Variants in KRIT1 observed in about 807,000 individuals in gnomAD.
KRIT1 encodes krev interaction trapped protein 1.
In KRIT1, 45 loss-of-function variants were observed where a neutral mutation model predicts 95.8. The observed-to-expected ratio is 0.47, with a 90% CI of 0.37 to 0.60. The LOEUF (loss-of-function observed/expected upper bound fraction) is 0.60. KRIT1 is among the 20% of genes least tolerant of loss of function. KRIT1 has a pLI of 0.00. For synonymous variants in KRIT1, 282 were observed against 278.8 expected, an observed-to-expected ratio of 1.01 and a Z score of -0.11; for missense variants, 788 against 877.5, an observed-to-expected ratio of 0.90 and a Z score of 1.29.
intron 10 of KRIT1, among the ~76,000 whole-genome samples, chr7:92,234,223 G>A (rs1797922708): frequency 6.6e-6 from 1 of 152,176 alleles, no homozygotes; most frequent in Non-Finnish European, 1.5e-5. Flanking sequence ...CCTACTATAT[G>A]ACCTGGCAAT....
intron 5 of KRIT1, 148 bp from the exon 6 acceptor site, chr7:92,237,907 A>C: frequency 1.7e-6 from 1 of 601,312 alleles, no homozygotes; most frequent in Non-Finnish European, 3.0e-6. Flanking sequence ...TGTACTAATA[A>C]AAACTGATAA....
chr7:92,238,611 C>T (rs945681788), intron 5 of KRIT1, among the ~76,000 whole-genome samples: 5 of 152,174 alleles, frequency 3.3e-5, no homozygotes, highest in African/African-American at 9.7e-5. Flanking sequence ...ACTTCAGAGG[C>T]ACTATTTCTT....
intron 14 of KRIT1, among the ~76,000 whole-genome samples, chr7:92,220,134 C>T (rs947642222): frequency 3.3e-5 from 5 of 152,130 alleles, no homozygotes; most frequent in Non-Finnish European, 1.5e-5. Flanking sequence ...CAGTCTTTTA[C>T]CATTGAATAT....
rs1041135211 is a variant in KRIT1 at position 92,234,826 on chromosome 7, C to A, written c.827G>T (p.Ser276Ile). The change falls in exon 9 of 19, where the codon AGC becomes ATC. Residue 276 changes from serine (S) to isoleucine (I), a missense_variant. By Grantham distance (142) the Ser-to-Ile change is moderately radical. Coordinates refer to ENST00000394505, the MANE Select transcript of KRIT1 (RefSeq NM_194454.3). ...PKQEKWQRSM[S>I]SVTEDKERQW... ...ACAGTACTTGTCTTCTGTGACACTG[C>A]TCATGCTTCTCTGCCATTTTTCCTG... 8.8e-6 allele frequency: 14 copies of A among 1,598,732 alleles called. No homozygotes were observed. Among genetic ancestry groups the A allele is most frequent in the Non-Finnish European group, 1.2e-5 (14 of 1,166,164 alleles).
intron 14 of KRIT1, among the ~76,000 whole-genome samples, chr7:92,220,688 CTTTT>C (rs960417752): frequency 7.1e-5 from 7 of 98,994 alleles, no homozygotes; most frequent in African/African-American, 8.2e-5. Flanking sequence ...ATTCATCCTT[CTTTT>C]TTTTTTTTTT....
chr7:92,235,842 C>T lies in KRIT1; in HGVS notation c.486-196G>A, dbSNP rs114649287. The stretch of plus-strand genomic sequence containing the variant: ...CAAATTGATTTTTTTAACAAAAAAA[C>T]ATGCATAATACTGTACATACTTTAG... On this transcript the variant is annotated intron_variant, in intron 7 of 18. Transcript: ENST00000394505. The T allele has an allele frequency of 4.1e-3, 2,074 of 509,156 alleles. 36 individuals carry two copies. The highest frequency in any genetic ancestry group is 0.036 in the African/African-American group (1,894 of 52,006). The allele number at this position is 509,156 out of a possible 1,614,324, so 31.5% of individuals were successfully genotyped here.
At chr7:92,234,685 T>A in intron 9 of KRIT1, 93 bp from the exon 10 acceptor site, 1 of 1,202,440 alleles carries the variant, frequency 8.3e-7, no homozygotes, top group Middle Eastern at 1.9e-4. Context: ...TCTGTATCAC[T>A]AAGAAGCTGT....
chr7:92,241,859 A>AT (rs1470293882), intron 4 of KRIT1, among the ~76,000 whole-genome samples, 175 bp downstream of exon 4: 1 of 152,216 alleles, frequency 6.6e-6, no homozygotes, highest in East Asian at 1.9e-4. Context: ...CTACATGTCA[A>AT]TAAACAGCAA....
chr7:92,245,945 G>C, upstream of KRIT1: 3 of 247,450 alleles, frequency 1.2e-5, no homozygotes, highest in South Asian at 1.2e-4. Flanking sequence ...ACCCTTTGCA[G>C]CCTCGCGGTT....
intron 17 of KRIT1, among the ~76,000 whole-genome samples, chr7:92,207,933 G>A (rs1290198025): frequency 1.3e-5 from 2 of 152,094 alleles, no homozygotes; most frequent in African/African-American, 4.8e-5. Context: ...TCCATCAGCT[G>A]CAGAACACAC....
intron 3 of KRIT1, among the ~76,000 whole-genome samples, chr7:92,242,710 T>C (rs988988188): frequency 6.6e-6 from 1 of 152,200 alleles, no homozygotes; most frequent in Admixed American, 6.5e-5. Flanking sequence ...TTCTTTGGAG[T>C]TGCTTATCAC....
chr7:92,204,789 G>A (rs1028005350), intron 17 of KRIT1, among the ~76,000 whole-genome samples: 8 of 151,998 alleles, frequency 5.3e-5, no homozygotes, highest in South Asian at 2.1e-4. Flanking sequence ...TGTGCGGCCC[G>A]GTTCCTTACA....
At chr7:92,216,520 A>G (rs1029223703) in intron 14 of KRIT1, among the ~76,000 whole-genome samples, 5 of 152,026 alleles carry the variant, frequency 3.3e-5, no homozygotes, top group African/African-American at 1.2e-4. Flanking sequence ...TTTGAATCAG[A>G]TATTATGTAA....
intron 17 of KRIT1, among the ~76,000 whole-genome samples, chr7:92,204,491 T>C (rs1236520532): frequency 6.6e-6 from 1 of 151,886 alleles, no homozygotes; most frequent in East Asian, 1.9e-4. Context: ...AACGAAATAA[T>C]TATACAACTC....
At chr7:92,219,130 A>G (rs1794608800) in intron 14 of KRIT1, among the ~76,000 whole-genome samples, 1 of 152,174 alleles carries the variant, frequency 6.6e-6, no homozygotes, top group Admixed American at 6.5e-5. Flanking sequence ...CCTTCTAAGT[A>G]GCTGGGACTA....
intron 17 of KRIT1, among the ~76,000 whole-genome samples, chr7:92,207,484 T>G (rs1305166010): frequency 6.6e-6 from 1 of 152,130 alleles, no homozygotes; most frequent in Non-Finnish European, 1.5e-5. Context: ...GTTGGGGAAT[T>G]CAACACCCCA....
chr7:92,234,676 C>G, intron 9 of KRIT1, 84 bp from the exon 10 acceptor site: 1 of 1,267,764 alleles, frequency 7.9e-7, no homozygotes, highest in Non-Finnish European at 1.2e-6. Flanking sequence ...TATGAAAGCT[C>G]TGTATCACTA....
intron 14 of KRIT1, among the ~76,000 whole-genome samples, chr7:92,221,390 G>C (rs1795108528): frequency 6.6e-6 from 1 of 151,936 alleles, no homozygotes; most frequent in South Asian, 2.1e-4. Context: ...ACTGAGCCGA[G>C]ATTGTGCCAC....
Position 92,241,056 on chromosome 7 carries a change from C to T in KRIT1, c.199G>A (p.Gly67Ser). Residue 67 changes from glycine to serine, a missense_variant, in exon 5 of 19, where the codon GGC becomes AGC. Physicochemically the swap from Gly to Ser is moderately conservative, Grantham distance 56. Coordinates refer to ENST00000394505, the MANE Select transcript of KRIT1 (RefSeq NM_194454.3). ...KLQGNSEITQGILDYVVETTK... is the reference protein window; with the variant it reads ...KLQGNSEITQSILDYVVETTK... Reference sequence around the variant, plus strand: ...GTTTCTACTACGTAATCCAATATGCCTTGTGTTATTTCACTGTTGCCTTGA... The same window carrying T: ...GTTTCTACTACGTAATCCAATATGCTTTGTGTTATTTCACTGTTGCCTTGA... 6.2e-7 allele frequency: 1 copy of T among 1,611,910 alleles called. No individual in the cohort carries two copies.
Sources: allele counts gnomAD v4.1 joint callset (sites outside exome capture counted in the v4.1 genomes callset), GRCh38; gene constraint gnomAD v4.1.1; transcripts MANE v1.5; gene names NCBI Gene and HGNC (gene_info 2026-07-23, HGNC 2026-07-21).